CCHCR1: variants seen among roughly 807,000 people sequenced by gnomAD.
The protein encoded by CCHCR1 is coiled-coil alpha-helical rod protein 1.
CCHCR1 carries 91 observed loss-of-function variants against 114.6 expected under a neutral mutation model. The observed-to-expected ratio is 0.79, with a 90% CI of 0.67 to 0.94. CCHCR1 has a LOEUF of 0.94. Among genes scored for constraint, CCHCR1 ranks in the 40% least tolerant of loss-of-function variants. The probability of loss-of-function intolerance (pLI) is 0.00; values close to 1 mark genes in which losing one functional copy is unlikely to be tolerated. For synonymous variants in CCHCR1, 379 were observed against 428.5 expected, an observed-to-expected ratio of 0.88 and a Z score of 1.43; for missense variants, 899 against 1,079.9, an observed-to-expected ratio of 0.83 and a Z score of 2.35.
Position 31,143,347 on chromosome 6 carries a change from C to T in CCHCR1, c.2234G>A (p.Arg745His), listed in dbSNP as rs570019609. ...CTCCTTCCGGGCCTCCTCCTGCAGA[C>T]GCCTGAGTTCCTGGCTCCGCTCCTT... is the stretch of plus-strand genomic sequence containing the variant. ...QEKERSQELR[R>H]LQEEARKEEG... is the part of the protein sequence containing the mutation. The change falls in exon 16 of 18, where the codon CGT becomes CAT. Residue 745 changes from arginine to histidine, a missense_variant. Transcript: ENST00000396268. This position sits in a 1 kb window ranked among gnomAD's most constrained non-coding sequence, Gnocchi z 5.3. 7.4e-6 allele frequency: 12 copies of T among 1,612,974 alleles called. No individual in the cohort carries two copies. The highest frequency in any genetic ancestry group is 2.2e-5 in the East Asian group (1 of 44,876).
At chr6:31,148,365 G>A (rs1265067) in intron 10 of CCHCR1, 40 bp downstream of exon 10, 369,363 of 1,263,536 alleles carry the variant, frequency 0.29, 56,829 homozygotes, top group Middle Eastern at 0.33. Flanking sequence ...AACCTGAGGT[G>A]GCAGAAACAC....
At position 31,142,893 on chromosome 6, in the gene CCHCR1, CGA is replaced by C. The variant is rs901574949; in HGVS notation, c.2491+68_2491+69del. ...ACCGCAGAGAACAACACTCATCATGCGAGAGTCTGAAGAGGAGATTCCTGAAG... is the reference window on the plus strand; with the variant it reads ...ACCGCAGAGAACAACACTCATCATGCGAGTCTGAAGAGGAGATTCCTGAAG... On this transcript the variant is annotated intron_variant, in intron 17 of 17. Transcript: ENST00000396268. 4.0e-5 allele frequency: 62 copies of C among 1,541,208 alleles called. No individual in the cohort carries two copies. The African/African-American group carries it at 7.6e-4, about 19-fold the overall frequency.
Position 31,150,618 on chromosome 6 carries a change from ACCACCTTCTCTCCCGGAGGCTG to A in CCHCR1, c.1102-75_1102-54del. 1 of 1,590,024 alleles carries A rather than the reference ACCACCTTCTCTCCCGGAGGCTG, an allele frequency of 6.3e-7. No individual in the cohort carries two copies. The highest frequency in any genetic ancestry group is 8.6e-7 in the Non-Finnish European group (1 of 1,163,970). Reference sequence around the variant, plus strand: ...GTAGGGCCTCCATGCCGCCTTAGGTACCACCTTCTCTCCCGGAGGCTGTGCTCTACACGCTCCTCCAAGGGCC... The same window carrying A: ...GTAGGGCCTCCATGCCGCCTTAGGTATGCTCTACACGCTCCTCCAAGGGCC... On this transcript the variant is annotated intron_variant, in intron 6 of 17. Coordinates refer to ENST00000396268, the MANE Select transcript of CCHCR1 (RefSeq NM_001105564.2). This position sits in a 1 kb window ranked among gnomAD's most constrained non-coding sequence, Gnocchi z 5.3.
At chr6:31,156,215 C>A (rs1174020888) in intron 3 of CCHCR1, 1 of 153,728 alleles carries the variant, frequency 6.5e-6, no homozygotes, top group Non-Finnish European at 1.4e-5. Context: ...CCTTCTTCAT[C>A]ATGCTGCTTC....
chr6:31,152,323 T>C (rs1775361283), intron 4 of CCHCR1, among the ~76,000 whole-genome samples: 1 of 151,788 alleles, frequency 6.6e-6, no homozygotes, highest in Non-Finnish European at 1.5e-5. Context: ...TGCTTATTAC[T>C]TGAAAAAACA....
rs748422751 is a variant in CCHCR1 at position 31,143,402 on chromosome 6, G to A, written c.2179C>T (p.Arg727Cys). 4.0e-5 allele frequency: 65 copies of A among 1,612,792 alleles called. No individual in the cohort carries two copies. The highest frequency in any genetic ancestry group is 1.6e-4 in the Middle Eastern group (1 of 6,082). The change falls in exon 16 of 18, where the codon CGC (arginine) becomes TGC (cysteine). Residue 727 changes from arginine (R) to cysteine (C), a missense_variant. By Grantham distance (180) the Arg-to-Cys change is radical (BLOSUM62 -3). Coordinates refer to ENST00000396268, the MANE Select transcript of CCHCR1 (RefSeq NM_001105564.2). This position sits in a 1 kb window ranked among gnomAD's most constrained non-coding sequence, Gnocchi z 5.3. ...REHAKAVVSL[R>C]QIQRRAAQEK... ...TGGGCGGCTCTGCGCTGAATCTGGC[G>A]TAAGGAGACCACTACAGAGAGGCCA... is the stretch of plus-strand genomic sequence containing the variant.
rs757685828 is a variant in CCHCR1 at position 31,150,693 on chromosome 6, G to A, written c.1101+32C>T. 5 of 1,607,830 alleles carry A rather than the reference G, an allele frequency of 3.1e-6. No homozygotes were observed. Among genetic ancestry groups the A allele is most frequent in the Non-Finnish European group, 4.2e-6 (5 of 1,177,148 alleles). ...GCTTGCCTCCCAACCTGATCCCTAA[G>A]TCTGCACACAGATACATTCCTGCAC... On this transcript the variant is annotated intron_variant, in intron 6 of 17. Transcript: ENST00000396268. The surrounding 1 kb of genome is among the most constrained non-coding windows in gnomAD (Gnocchi z 5.3).
chr6:31,150,208 G>A lies in CCHCR1; in HGVS notation c.1220C>T (p.Pro407Leu), dbSNP rs763879388. The A allele has an allele frequency of 2.3e-5, 37 of 1,614,130 alleles. No individual in the cohort carries two copies. Among genetic ancestry groups the A allele is most frequent in the Non-Finnish European group, 3.1e-5 (36 of 1,179,982 alleles). Residue 407 changes from proline to leucine, a missense_variant, in exon 8 of 18, where the codon CCT becomes CTT. Pro to Leu is a moderately conservative substitution (Grantham distance 98). Transcript: ENST00000396268. This position sits in a 1 kb window ranked among gnomAD's most constrained non-coding sequence, Gnocchi z 5.3. ...QEEELTRKVQ[P>L]SDSLEPEFTR... ...AAACTCAGGCTCCAGGGAATCTGAA[G>A]GTTGAACCTGAGGGAGAAGGAGTGG... is the stretch of plus-strand genomic sequence containing the variant.
chr6:31,155,393 A>T (rs894899567), intron 3 of CCHCR1, among the ~76,000 whole-genome samples: 71 of 152,024 alleles, frequency 4.7e-4, no homozygotes, highest in Non-Finnish European at 9.0e-4. Context: ...TCACGAGGTC[A>T]GGAGATCGAG....
At position 31,154,529 on chromosome 6, in the gene CCHCR1, C is replaced by A. The variant is rs1380248162; in HGVS notation, c.768G>T (p.Glu256Asp). 2 of 1,612,730 alleles carry A rather than the reference C, an allele frequency of 1.2e-6. No homozygotes were observed. Among genetic ancestry groups the A allele is most frequent in the Non-Finnish European group, 8.5e-7 (1 of 1,179,738 alleles). The change falls in exon 4 of 18, where the codon GAG (glutamate) becomes GAT (aspartate). Residue 256 changes from glutamate to aspartate, a missense_variant. By Grantham distance (45) the Glu-to-Asp change is conservative. Coordinates refer to ENST00000396268, the MANE Select transcript of CCHCR1 (RefSeq NM_001105564.2). The surrounding 1 kb of genome is among the most constrained non-coding windows in gnomAD (Gnocchi z 4.1). ...GGTGCAGCCTCTGAACCTCTTCCAGCTCCCGCTGGCTCCCCTCTTCCAAGT... is the reference window on the plus strand; with the variant it reads ...GGTGCAGCCTCTGAACCTCTTCCAGATCCCGCTGGCTCCCCTCTTCCAAGT... Reference protein sequence around the residue: ...RKNLEEGSQRELEEVQRLHQE... With the variant: ...RKNLEEGSQRDLEEVQRLHQE...
chr6:31,147,399 C>CAAAA (rs9278998), intron 10 of CCHCR1, among the ~76,000 whole-genome samples: 2,735 of 126,474 alleles, frequency 0.022, 98 homozygotes, highest in African/African-American at 0.062. Context: ...GACTCTGTCT[C>CAAAA]AAAAAAAAAA....
intron 4 of CCHCR1, among the ~76,000 whole-genome samples, chr6:31,153,893 T>C (rs972619063): frequency 6.6e-6 from 1 of 152,238 alleles, no homozygotes; most frequent in African/African-American, 2.4e-5. Flanking sequence ...GTTTCTTTCC[T>C]TGACATGTCA....
chr6:31,154,377 C>G lies in CCHCR1; in HGVS notation c.801+119G>C, dbSNP rs1376879046. ...ATGTGTGTTTATTTTCACCAAAGGT[C>G]TCATCACTCTACTACTCACTACTCA... On this transcript the variant is annotated intron_variant, in intron 4 of 17. Coordinates refer to ENST00000396268, the MANE Select transcript of CCHCR1 (RefSeq NM_001105564.2). The surrounding 1 kb of genome is among the most constrained non-coding windows in gnomAD (Gnocchi z 4.1). 1 of 743,100 alleles carries G rather than the reference C, an allele frequency of 1.3e-6. No homozygotes were observed. The highest frequency in any genetic ancestry group is 1.7e-5 in the African/African-American group (1 of 57,276). 46.0% of individuals were successfully genotyped at this position (743,100 alleles called of 1,614,324 possible).
In CCHCR1 at chr6:31,156,956, C is replaced by G. The variant is rs761673288; in HGVS notation, c.284-12G>C. The stretch of plus-strand genomic sequence containing the variant: ...CAGCCCAGTGGAACCTGAAGAATTA[C>G]AAAAACAAAGATGGTCAGTTTCCCA... On this transcript the variant is annotated splice_polypyrimidine_tract_variant and intron_variant, in intron 2 of 17. Transcript: ENST00000396268. The G allele has an allele frequency of 6.2e-6, 10 of 1,612,754 alleles. No homozygotes were observed. Among genetic ancestry groups the G allele is most frequent in the South Asian group, 1.1e-5 (1 of 91,082 alleles).
At chr6:31,152,618 T>C (rs1775410303) in intron 4 of CCHCR1, among the ~76,000 whole-genome samples, 1 of 152,120 alleles carries the variant, frequency 6.6e-6, no homozygotes, top group Non-Finnish European at 1.5e-5. Flanking sequence ...GGATTACACA[T>C]GTGAGCAACC....
chr6:31,143,377 T>C lies in CCHCR1; in HGVS notation c.2204A>G (p.Gln735Arg). The C allele has an allele frequency of 1.2e-6, 2 of 1,612,934 alleles. No homozygotes were observed. The highest frequency in any genetic ancestry group is 1.7e-6 in the Non-Finnish European group (2 of 1,180,020). ...GAGTTCCTGGCTCCGCTCCTTTTCCTGGGCGGCTCTGCGCTGAATCTGGCG... is the reference window on the plus strand; with the variant it reads ...GAGTTCCTGGCTCCGCTCCTTTTCCCGGGCGGCTCTGCGCTGAATCTGGCG... ...SLRQIQRRAAQEKERSQELRR... is the reference protein window; with the variant it reads ...SLRQIQRRAAREKERSQELRR... Residue 735 changes from glutamine to arginine, a missense_variant, in exon 16 of 18, where the codon CAG becomes CGG. By Grantham distance (43) the Gln-to-Arg change is conservative. Coordinates refer to ENST00000396268, the MANE Select transcript of CCHCR1 (RefSeq NM_001105564.2). The surrounding 1 kb of genome is among the most constrained non-coding windows in gnomAD (Gnocchi z 5.3).
intron 10 of CCHCR1, among the ~76,000 whole-genome samples, chr6:31,146,865 G>A (rs372189139): frequency 1.3e-5 from 2 of 152,164 alleles, no homozygotes; most frequent in Admixed American, 6.5e-5. Context: ...GGGCACCCGC[G>A]ATGGATTGAA....
At position 31,148,503 on chromosome 6, in the gene CCHCR1, C is replaced by A. The variant is rs1194503616; in HGVS notation, c.1482G>T (p.Gln494His). The stretch of plus-strand genomic sequence containing the variant: ...CCTCCTGAGCACGGCTCAGCTCCAA[C>A]TGCAGGCCCTGGGGAGGATGCAGCA... The part of the protein sequence containing the change: ...EVERMGAKGL[Q>H]LELSRAQEAR... The change falls in exon 10 of 18, where the codon CAG becomes CAT. Residue 494 changes from glutamine (Q) to histidine (H), a missense_variant. By Grantham distance (24) the Gln-to-His change is conservative. Coordinates refer to ENST00000396268, the MANE Select transcript of CCHCR1 (RefSeq NM_001105564.2). The A allele has an allele frequency of 6.2e-7, 1 of 1,612,252 alleles. No individual in the cohort carries two copies. The highest frequency in any genetic ancestry group is 1.3e-5 in the African/African-American group (1 of 75,052).
In CCHCR1 at chr6:31,144,679, AG is replaced by A; in HGVS notation, c.2167+7del. On this transcript the variant is annotated splice_region_variant and intron_variant, in intron 15 of 17. Transcript: ENST00000396268. The surrounding 1 kb of genome is among the most constrained non-coding windows in gnomAD (Gnocchi z 4.6). ...CTGGAAGGCCCTATCCACCCTGGCA[AG>A]GCTCACCGGCCTTGGCATGCTCCCT... 6.3e-7 allele frequency: 1 copy of A among 1,589,598 alleles called. No individual in the cohort carries two copies. The highest frequency in any genetic ancestry group is 8.6e-7 in the Non-Finnish European group (1 of 1,160,602).
Sources: gnomAD v4.1 joint callset for allele counts (sites outside exome capture counted in the v4.1 genomes callset) on GRCh38, gnomAD v4.1.1 for gene constraint, Gnocchi (gnomAD v3.1) non-coding constraint, MANE v1.5 for transcripts, NCBI Gene and HGNC (gene_info 2026-07-23, HGNC 2026-07-21) for gene names.